SCARB1: variants seen among roughly 807,000 people sequenced by gnomAD.
The protein encoded by SCARB1 is CD36 and LIMPII analogous 1.
Under a neutral mutation model 57.2 loss-of-function variants are expected in SCARB1, and 30 were observed. That is an observed-to-expected ratio of 0.52 (90% CI 0.39 to 0.71). SCARB1 has a LOEUF of 0.71. Among genes scored for constraint, SCARB1 ranks in the 30% least tolerant of loss-of-function variants. The pLI, the probability that SCARB1 is intolerant of heterozygous loss-of-function variation, is 0.00. For missense variants in SCARB1, 543 were observed against 671.2 expected (o/e 0.81, Z 2.11); for synonymous variants, 249 against 268.3 (o/e 0.93, Z 0.70).
chr12:124,802,203 G>A (rs955827634), intron 7 of SCARB1, among the ~76,000 whole-genome samples: 6 of 150,914 alleles, frequency 4.0e-5, no homozygotes, highest in African/African-American at 1.2e-4. Context: ...TAATGATGTT[G>A]TAAGTTCTAA....
intron 1 of SCARB1, among the ~76,000 whole-genome samples, chr12:124,849,065 A>T (rs77746373): frequency 2.4e-3 from 371 of 152,364 alleles, no homozygotes; most frequent in African/African-American, 8.7e-3. Flanking sequence ...ACAGAAAAGT[A>T]AAAAAGGCAC....
At chr12:124,863,460 C>T in intron 1 of SCARB1, 135 bp downstream of exon 1, 2 of 883,454 alleles carry the variant, frequency 2.3e-6, no homozygotes, top group Non-Finnish European at 3.3e-6. Context: ...TGGCCTCCCT[C>T]GTGCTCTGCG....
intron 11 of SCARB1, chr12:124,783,285 C>CA (rs1423641171): frequency 2.8e-5 from 5 of 179,944 alleles, no homozygotes; most frequent in South Asian, 1.3e-4. Flanking sequence ...ATGGTGCGAT[C>CA]ATGGCTCACT....
At chr12:124,841,903 C>T (rs1022317381) in intron 1 of SCARB1, among the ~76,000 whole-genome samples, 2 of 152,224 alleles carry the variant, frequency 1.3e-5, no homozygotes, top group East Asian at 1.9e-4. Context: ...GCGTAGCTGC[C>T]GTGAGCAGGA....
intron 4 of SCARB1, among the ~76,000 whole-genome samples, chr12:124,813,781 G>T (rs1950601708): frequency 6.6e-6 from 1 of 152,178 alleles, no homozygotes; most frequent in Admixed American, 6.5e-5. Context: ...GAAACCTGCG[G>T]TGAGGGAGCC....
chr12:124,863,658 G>T lies in SCARB1; in HGVS notation c.63C>A (p.Cys21Ter). 1 of 1,584,502 alleles carries T rather than the reference G, an allele frequency of 6.3e-7. No individual in the cohort carries two copies. The highest frequency in any genetic ancestry group is 8.6e-7 in the Non-Finnish European group (1 of 1,166,452). Residue 21 changes from cysteine to a stop codon, truncating the protein, a stop_gained, in exon 1 of 13, where the codon TGC becomes TGA. Transcript: ENST00000261693. LOFTEE classifies it high-confidence loss of function. ...AGALGVAGLL[C>*]AVLGAVMIVM... ...CGATCATGACAGCGCCCAGCACAGC[G>T]CACAGTAGCCCCGCGACGCCCAGCG...
At chr12:124,811,798 T>C in intron 5 of SCARB1, 72 bp downstream of exon 5, 1 of 1,019,226 alleles carries the variant, frequency 9.8e-7, no homozygotes, top group Non-Finnish European at 1.5e-6. Flanking sequence ...TCCCTGCCAC[T>C]CCCGAGCAGC....
At chr12:124,842,447 G>A (rs1473305355) in intron 1 of SCARB1, among the ~76,000 whole-genome samples, 1 of 152,224 alleles carries the variant, frequency 6.6e-6, no homozygotes, top group Non-Finnish European at 1.5e-5. Context: ...GGGTGGAAGG[G>A]GACCTCATAT....
At chr12:124,786,667 G>A (rs1949534121) in intron 10 of SCARB1, among the ~76,000 whole-genome samples, 164 bp from the exon 11 acceptor site, 1 of 152,226 alleles carries the variant, frequency 6.6e-6, no homozygotes, top group African/African-American at 2.4e-5. Flanking sequence ...CTCCCTCCAG[G>A]ACACAAGGTG....
At chr12:124,849,139 C>T (rs1016083045) in intron 1 of SCARB1, among the ~76,000 whole-genome samples, 1 of 152,246 alleles carries the variant, frequency 6.6e-6, no homozygotes, top group African/African-American at 2.4e-5. Flanking sequence ...GGATTTGAAC[C>T]TGGGCTGCCT....
At chr12:124,811,351 G>A (rs948022949) in intron 5 of SCARB1, among the ~76,000 whole-genome samples, 1 of 152,150 alleles carries the variant, frequency 6.6e-6, no homozygotes, top group Admixed American at 6.5e-5. Context: ...TCAGCTCACT[G>A]CAACCTTCAC....
At position 124,814,836 on chromosome 12, in the gene SCARB1, C is replaced by T; in HGVS notation, c.426+137G>A. ...TGGGGGTGGTGGAGACAGCACAGGG[C>T]CGAAAGCCACCCACCAGGCGTGAGT... On this transcript the variant is annotated intron_variant, in intron 3 of 12. Coordinates refer to ENST00000261693, the MANE Select transcript of SCARB1 (RefSeq NM_005505.5). The surrounding 1 kb of genome is among the most constrained non-coding windows in gnomAD (Gnocchi z 4.7). The T allele has an allele frequency of 2.7e-6, 3 of 1,131,732 alleles. No homozygotes were observed. Among genetic ancestry groups the T allele is most frequent in the Admixed American group, 2.0e-5 (1 of 50,716 alleles). The allele number at this position is 1,131,732 out of a possible 1,614,324, so 70.1% of individuals were successfully genotyped here.
intron 9 of SCARB1, among the ~76,000 whole-genome samples, chr12:124,794,625 T>TG (rs2135575796): frequency 6.7e-6 from 1 of 148,978 alleles, no homozygotes; most frequent in South Asian, 2.1e-4. Flanking sequence ...AGGGAGGGGG[T>TG]GAATGTTAAA....
chr12:124,825,026 C>T (rs1055666444), intron 1 of SCARB1, among the ~76,000 whole-genome samples: 1 of 151,472 alleles, frequency 6.6e-6, no homozygotes, highest in Non-Finnish European at 1.5e-5. Context: ...AGATCGAGAT[C>T]ATCCTGGCCA....
chr12:124,778,498 G>A lies in SCARB1; in HGVS notation c.*89C>T, dbSNP rs1594158151. 1 of 1,353,418 alleles carries A rather than the reference G, an allele frequency of 7.4e-7. No homozygotes were observed. The highest frequency in any genetic ancestry group is 1.5e-5 in the African/African-American group (1 of 65,580). 83.8% of individuals were successfully genotyped at this position (1,353,418 alleles called of 1,614,324 possible). On this transcript the variant is annotated 3_prime_UTR_variant, in exon 13 of 13. Transcript: ENST00000261693. ...TGTGGGGCTGGGGGGCTGTCCGCTG[G>A]GAGAGTCCGGGAGAAGCGGGGTGTA...
intron 11 of SCARB1, chr12:124,784,154 T>A (rs544693274): frequency 6.6e-6 from 1 of 152,550 alleles, no homozygotes; most frequent in African/African-American, 2.4e-5. Context: ...CTGTGCGTCG[T>A]CACTTGTGGA....
intron 1 of SCARB1, among the ~76,000 whole-genome samples, chr12:124,835,804 T>TAGATGGAA (rs1951625314): frequency 6.6e-6 from 1 of 152,226 alleles, no homozygotes; most frequent in Non-Finnish European, 1.5e-5. Context: ...GCCTTCTGGC[T>TAGATGGAA]TCTTTTGGGA....
chr12:124,852,041 T>C (rs1594392644), intron 1 of SCARB1, among the ~76,000 whole-genome samples: 1 of 152,250 alleles, frequency 6.6e-6, no homozygotes, highest in African/African-American at 2.4e-5. Flanking sequence ...GGGACCAAGA[T>C]GCCAACAGGA....
At chr12:124,793,562 G>A (rs565464397) in intron 9 of SCARB1, among the ~76,000 whole-genome samples, 10 of 152,200 alleles carry the variant, frequency 6.6e-5, no homozygotes, top group Admixed American at 4.6e-4. Flanking sequence ...GCACGGTGGC[G>A]GGCGCCTGTA....
Sources: allele counts gnomAD v4.1 joint callset (sites outside exome capture counted in the v4.1 genomes callset), GRCh38; gene constraint gnomAD v4.1.1; non-coding constraint Gnocchi (gnomAD v3.1); transcripts MANE v1.5; gene names NCBI Gene and HGNC (gene_info 2026-07-23, HGNC 2026-07-21).